THSD4: variants seen among roughly 807,000 people sequenced by gnomAD.
The protein encoded by THSD4 is thrombospondin type-1 domain-containing protein 4.
A neutral mutation model predicts 119.0 loss-of-function variants in THSD4; 69 were observed. That is an observed-to-expected ratio of 0.58 (90% CI 0.48 to 0.71). THSD4 has a LOEUF of 0.71. THSD4 is among the 30% of genes least tolerant of loss of function. The pLI is 0.00. For synonymous variants in THSD4, 524 were observed against 540.4 expected (o/e 0.97, Z 0.42); for missense variants, 1,393 against 1,391.1 (o/e 1.00, Z -0.02).
chr15:71,134,062 C>T (rs1278484709), intron 1 of THSD4, among the ~76,000 whole-genome samples: 1 of 152,220 alleles, frequency 6.6e-6, no homozygotes, highest in African/African-American at 2.4e-5. Context: ...GGTTTTCACG[C>T]TGCTCTGGGC....
chr15:71,566,989 A>C (rs2049253568), intron 7 of THSD4, among the ~76,000 whole-genome samples: 1 of 152,034 alleles, frequency 6.6e-6, no homozygotes, highest in Non-Finnish European at 1.5e-5. Flanking sequence ...CAAGGGACCA[A>C]CCCTCTCTCG....
At chr15:71,580,538 C>T (rs892434261) in intron 7 of THSD4, among the ~76,000 whole-genome samples, 1 of 152,076 alleles carries the variant, frequency 6.6e-6, no homozygotes, top group Non-Finnish European at 1.5e-5. Flanking sequence ...AATACAGTAT[C>T]ATTAACTATA....
chr15:71,293,072 CAG>C (rs2044814476), intron 6 of THSD4, among the ~76,000 whole-genome samples: 2 of 152,210 alleles, frequency 1.3e-5, no homozygotes, highest in African/African-American at 4.8e-5. Context: ...CCTTTCTTGT[CAG>C]GGGCTTTCCC....
intron 3 of THSD4, among the ~76,000 whole-genome samples, chr15:71,173,567 C>CATATATAT (rs57882308): frequency 1.3e-4 from 19 of 145,960 alleles, no homozygotes; most frequent in African/African-American, 4.3e-4. Context: ...CACACACACA[C>CATATATAT]ATATATATAT....
intron 7 of THSD4, among the ~76,000 whole-genome samples, chr15:71,618,379 C>T (rs900254334): frequency 3.3e-5 from 5 of 152,174 alleles, no homozygotes; most frequent in South Asian, 2.1e-4. Flanking sequence ...CTAAACTATA[C>T]GCATATGTGT....
At chr15:71,558,042 T>C (rs2049047601) in intron 7 of THSD4, among the ~76,000 whole-genome samples, 1 of 152,180 alleles carries the variant, frequency 6.6e-6, no homozygotes, top group African/African-American at 2.4e-5. Context: ...TTAAAATTTA[T>C]GTGGGCCGCA....
At chr15:71,622,495 C>T (rs1399021533) in intron 7 of THSD4, among the ~76,000 whole-genome samples, 1 of 152,198 alleles carries the variant, frequency 6.6e-6, no homozygotes, top group Non-Finnish European at 1.5e-5. Flanking sequence ...CAGTTGACTC[C>T]TTTTTGACAA....
chr15:71,383,601 T>A (rs1460035696), intron 6 of THSD4, among the ~76,000 whole-genome samples: 5 of 152,232 alleles, frequency 3.3e-5, no homozygotes, highest in Non-Finnish European at 7.3e-5. Flanking sequence ...AATGTGGATT[T>A]TTTTTAATTG....
Position 71,555,428 on chromosome 15 carries a change from A to G in THSD4, c.1153-105102A>G, listed in dbSNP as rs372857697. ...TTGATATTGTATAATGTTTATGTGT[A>G]TACATATCATTCACGTTTCCTCTTC... On this transcript the variant is annotated intron_variant, in intron 7 of 17. Transcript: ENST00000261862. Among the ~76,000 whole-genome samples, 254 of 152,356 alleles carry G rather than the reference A, an allele frequency of 1.7e-3. 15 individuals carry two copies. The South Asian group carries it at 0.051, about 31-fold the overall frequency.
At chr15:71,504,469 T>G (rs1349954312) in intron 7 of THSD4, among the ~76,000 whole-genome samples, 1 of 152,090 alleles carries the variant, frequency 6.6e-6, no homozygotes, top group Non-Finnish European at 1.5e-5. Context: ...AAGACTAAAG[T>G]CACACATTCA....
At chr15:71,724,289 T>TA (rs1567119984) in intron 8 of THSD4, among the ~76,000 whole-genome samples, 12 of 26,798 alleles carry the variant, frequency 4.5e-4, no homozygotes, top group African/African-American at 7.5e-4. Context: ...ATATATATAT[T>TA]TTTTTTTTCC....
chr15:71,451,980 A>G (rs376364313), intron 7 of THSD4, among the ~76,000 whole-genome samples: 56 of 152,262 alleles, frequency 3.7e-4, no homozygotes, highest in African/African-American at 1.3e-3. Flanking sequence ...GTTTGGCAGC[A>G]CACTGTTGAG....
intron 14 of THSD4, among the ~76,000 whole-genome samples, chr15:71,756,802 A>G (rs943332017): frequency 2.0e-5 from 3 of 152,152 alleles, no homozygotes; most frequent in Admixed American, 1.3e-4. Context: ...AAGAAAAGAC[A>G]CGATAAGATG....
chr15:71,583,109 G>A (rs12102234), intron 7 of THSD4, among the ~76,000 whole-genome samples: 2,686 of 152,034 alleles, frequency 0.018, 80 homozygotes, highest in South Asian at 0.055. Flanking sequence ...ACTTATCATT[G>A]GTCTGTTCAG....
In THSD4 at chr15:71,388,663, A is replaced by AGTGT. The variant is rs55923750; in HGVS notation, c.1016-22997_1016-22994dup. Among the ~76,000 whole-genome samples the AGTGT allele has an allele frequency of 5.7e-4, 76 of 134,310 alleles. 2 individuals are homozygous for AGTGT. In the East Asian group the frequency reaches 0.011, roughly 20 times the overall value. 88.1% of individuals were successfully genotyped at this position (134,310 alleles called of 152,430 possible). On this transcript the variant is annotated intron_variant, in intron 6 of 17. Coordinates refer to ENST00000261862, the MANE Select transcript of THSD4 (RefSeq NM_024817.3). ...AGTATTGATTTGATTCTTTGGAGAGAGTGTGTGTGTGTGTGTGTGTGTGTG... is the reference window on the plus strand; with the variant it reads ...AGTATTGATTTGATTCTTTGGAGAGAGTGTGTGTGTGTGTGTGTGTGTGTGTGTG...
chr15:71,559,391 C>T (rs1412428474), intron 7 of THSD4, among the ~76,000 whole-genome samples: 1 of 152,120 alleles, frequency 6.6e-6, no homozygotes, highest in East Asian at 1.9e-4. Flanking sequence ...CCAGAAATTC[C>T]TCAGAATGTT....
At chr15:71,333,817 G>T (rs991136564) in intron 6 of THSD4, among the ~76,000 whole-genome samples, 1 of 152,080 alleles carries the variant, frequency 6.6e-6, no homozygotes, top group Non-Finnish European at 1.5e-5. Flanking sequence ...TCTCTTACGG[G>T]GCTTAGTAGA....
intron 1 of THSD4, among the ~76,000 whole-genome samples, chr15:71,106,024 C>T (rs1049855876): frequency 3.9e-5 from 6 of 152,140 alleles, no homozygotes; most frequent in African/African-American, 1.4e-4. Flanking sequence ...CTATCCATAA[C>T]ACATTGCACT....
chr15:71,368,225 T>G (rs903924507), intron 6 of THSD4, among the ~76,000 whole-genome samples: 89 of 152,340 alleles, frequency 5.8e-4, no homozygotes, highest in African/African-American at 2.0e-3. Context: ...TTTCTCCCAT[T>G]CTGTAGGTTG....
Sources: gnomAD v4.1 joint callset for allele counts (sites outside exome capture counted in the v4.1 genomes callset) on GRCh38, gnomAD v4.1.1 for gene constraint, MANE v1.5 for transcripts, NCBI Gene and HGNC (gene_info 2026-07-23, HGNC 2026-07-21) for gene names.